Variants in GPR149 observed in about 807,000 individuals in gnomAD.
GPR149 encodes the protein probable G protein-coupled receptor 149.
In GPR149, 50 loss-of-function variants were observed where a neutral mutation model predicts 50.2. The observed-to-expected ratio is 1.00, with a 90% confidence interval of 0.79 to 1.26. GPR149 has a LOEUF of 1.26. Among genes scored for constraint, GPR149 ranks in the 50% most tolerant of loss-of-function variants. The pLI is 0.00. For missense variants in GPR149, 983 were observed against 895.4 expected, an observed-to-expected ratio of 1.10 and a Z score of -1.25; for synonymous variants, 405 against 358.2, an observed-to-expected ratio of 1.13 and a Z score of -1.48.
intron 3 of GPR149, among the ~76,000 whole-genome samples, chr3:154,350,424 TA>T (rs754355563): frequency 6.6e-6 from 1 of 152,024 alleles, no homozygotes; most frequent in Non-Finnish European, 1.5e-5. Flanking sequence ...GACATCAAAA[TA>T]AAAAATGCAG....
intron 3 of GPR149, among the ~76,000 whole-genome samples, chr3:154,406,694 C>T (rs1010921375): frequency 1.1e-4 from 16 of 151,962 alleles, no homozygotes; most frequent in African/African-American, 9.7e-5. Context: ...ATGTATCTAC[C>T]CAATTTTGCA....
At chr3:154,415,137 G>C (rs1295202888) in intron 3 of GPR149, among the ~76,000 whole-genome samples, 1 of 138,358 alleles carries the variant, frequency 7.2e-6, no homozygotes, top group Non-Finnish European at 1.6e-5. Flanking sequence ...TTGAGTTCAA[G>C]TAGAGAGTAA....
chr3:154,348,588 G>A (rs761425194), intron 3 of GPR149, among the ~76,000 whole-genome samples: 24 of 152,048 alleles, frequency 1.6e-4, no homozygotes, highest in Admixed American at 6.6e-4. Flanking sequence ...GCAAGCAACA[G>A]AACTGTTAAA....
At chr3:154,407,773 C>A (rs967957891) in intron 3 of GPR149, among the ~76,000 whole-genome samples, 2 of 150,942 alleles carry the variant, frequency 1.3e-5, no homozygotes, top group Non-Finnish European at 2.9e-5. Flanking sequence ...AAGCAAGACA[C>A]CTCAGTAGCA....
At chr3:154,424,477 G>A (rs1305753990) in intron 2 of GPR149, among the ~76,000 whole-genome samples, 1 of 151,730 alleles carries the variant, frequency 6.6e-6, no homozygotes, top group Non-Finnish European at 1.5e-5. Flanking sequence ...ATTTATAGGA[G>A]GAAGGCCTTG....
At chr3:154,383,014 C>A (rs146811673) in intron 3 of GPR149, among the ~76,000 whole-genome samples, 1 of 151,966 alleles carries the variant, frequency 6.6e-6, no homozygotes, top group East Asian at 1.9e-4. Flanking sequence ...GAATGGCTCT[C>A]GTTGAGAATG....
At position 154,428,786 on chromosome 3, in the gene GPR149, G is replaced by C. The variant is rs1479028405; in HGVS notation, c.830C>G (p.Pro277Arg). 1.2e-6 allele frequency: 2 copies of C among 1,613,728 alleles called. No individual in the cohort carries two copies. Among genetic ancestry groups the C allele is most frequent in the African/African-American group, 2.7e-5 (2 of 74,908 alleles). Residue 277 changes from proline (P) to arginine (R), a missense_variant, in exon 1 of 4, where the codon CCG becomes CGG. Coordinates refer to ENST00000389740, the MANE Select transcript of GPR149 (RefSeq NM_001038705.3). ...AGCCCCAGCGGCAGCGGGCGCACCCGGTCCGAACACGGTGTCGGAGCTCGG... is the reference window on the plus strand; with the variant it reads ...AGCCCCAGCGGCAGCGGGCGCACCCCGTCCGAACACGGTGTCGGAGCTCGG... ...CSPSSDTVFG[P>R]GAPAAAGAEA...
chr3:154,365,768 A>C (rs1376122885), intron 3 of GPR149, among the ~76,000 whole-genome samples: 2 of 152,170 alleles, frequency 1.3e-5, no homozygotes, highest in African/African-American at 4.8e-5. Flanking sequence ...CCTTTCCTCC[A>C]GTTTCCAATA....
intron 3 of GPR149, among the ~76,000 whole-genome samples, chr3:154,372,613 C>T (rs976643331): frequency 6.6e-6 from 1 of 152,106 alleles, no homozygotes; most frequent in Non-Finnish European, 1.5e-5. Context: ...AAGGGGACAC[C>T]ATTATTTTCA....
At chr3:154,427,261 C>CTT (rs137998834) in intron 2 of GPR149, among the ~76,000 whole-genome samples, 1 of 148,790 alleles carries the variant, frequency 6.7e-6, no homozygotes, top group Non-Finnish European at 1.5e-5. Flanking sequence ...CTAGTCTTCC[C>CTT]TTTTTTTTTT....
rs1248226492 is a variant in GPR149 at position 154,429,033 on chromosome 3, A to G, written c.583T>C (p.Ser195Pro). The change falls in exon 1 of 4, where the codon TCT (serine) becomes CCT (proline). Residue 195 changes from serine to proline, a missense_variant. Ser to Pro is a moderately conservative substitution (Grantham distance 74, BLOSUM62 -1). Transcript: ENST00000389740. ...DCSSSYVLFL[S>P]IVYALAFGLL... ...CCGAAGGCCAAAGCGTACACGATAG[A>G]GAGGAATAGTACGTAGGAGCTGGAG... is the stretch of plus-strand genomic sequence containing the variant. The G allele has an allele frequency of 1.2e-6, 2 of 1,613,860 alleles. No homozygotes were observed. The highest frequency in any genetic ancestry group is 2.2e-5 in the East Asian group (1 of 44,862).
chr3:154,397,856 A>T (rs561212206), intron 3 of GPR149, among the ~76,000 whole-genome samples: 1 of 152,222 alleles, frequency 6.6e-6, no homozygotes, highest in East Asian at 1.9e-4. Context: ...TTTTTATCTT[A>T]CTCATTAGTA....
In GPR149 at chr3:154,421,446, T is replaced by C; in HGVS notation, c.1216A>G (p.Ser406Gly). ...TGTGCTATTTTATAAATCCCATAAC[T>C]TTTTTGGAATGATAGATTGAATTCA... ...GFEFNLSFQK[S>G]YGIYKIAHED... is the part of the protein sequence containing the mutation. Residue 406 changes from serine to glycine, a missense_variant, in exon 3 of 4, where the codon AGT becomes GGT. Ser to Gly is a moderately conservative substitution (Grantham distance 56). Coordinates refer to ENST00000389740, the MANE Select transcript of GPR149 (RefSeq NM_001038705.3). 1 of 1,594,410 alleles carries C rather than the reference T, an allele frequency of 6.3e-7. No homozygotes were observed. The highest frequency in any genetic ancestry group is 1.7e-4 in the Middle Eastern group (1 of 5,904).
intron 3 of GPR149, among the ~76,000 whole-genome samples, chr3:154,373,510 C>T (rs1019359418): frequency 2.6e-5 from 4 of 152,132 alleles, no homozygotes; most frequent in Admixed American, 6.5e-5. Flanking sequence ...AATTAAATAG[C>T]CTGTGTTTTA....
intron 3 of GPR149, among the ~76,000 whole-genome samples, chr3:154,374,985 T>C (rs1016918883): frequency 7.9e-5 from 12 of 152,244 alleles, no homozygotes; most frequent in Non-Finnish European, 1.5e-4. Flanking sequence ...ATTAGTTATA[T>C]GGCAGCTTTT....
intron 3 of GPR149, among the ~76,000 whole-genome samples, chr3:154,385,930 T>C (rs540064122): frequency 7.4e-4 from 113 of 152,228 alleles, no homozygotes; most frequent in Middle Eastern, 3.4e-3. Flanking sequence ...CTCGATCTTC[T>C]GACCTCGTGA....
chr3:154,337,014 T>A lies in GPR149; in HGVS notation c.*685A>T, dbSNP rs1184542801. Reference sequence around the variant, plus strand: ...AATTCCACCTCTAACACACAATATATTTGTTTTATGGGACAGTCTTGACAT... The same window carrying A: ...AATTCCACCTCTAACACACAATATAATTGTTTTATGGGACAGTCTTGACAT... On this transcript the variant is annotated 3_prime_UTR_variant, in exon 4 of 4. Coordinates refer to ENST00000389740, the MANE Select transcript of GPR149 (RefSeq NM_001038705.3). The A allele has an allele frequency of 6.6e-6, 1 of 152,130 alleles. No homozygotes were observed. Among genetic ancestry groups the A allele is most frequent in the East Asian group, 1.9e-4 (1 of 5,198 alleles). The allele number at this position is 152,130 out of a possible 1,614,324, so 9.4% of individuals were successfully genotyped here. A position where few individuals can be genotyped will look rare whatever the true frequency, so the allele number is the denominator to read the frequency against.
Position 154,429,155 on chromosome 3 carries a change from A to G in GPR149, c.461T>C (p.Val154Ala), listed in dbSNP as rs1712409061. Residue 154 changes from valine to alanine, a missense_variant, in exon 1 of 4, where the codon GTG (valine) becomes GCG (alanine). Physicochemically the swap from Val to Ala is moderately conservative, Grantham distance 64. Coordinates refer to ENST00000389740, the MANE Select transcript of GPR149 (RefSeq NM_001038705.3). ...CAGACTGGCTGCCCACACGGTCAGC[A>G]CCACGCCGAGCACCTGGCCCGATCT... is the stretch of plus-strand genomic sequence containing the variant. ...SRRSGQVLGV[V>A]LTVWAASLLL... 6.2e-7 allele frequency: 1 copy of G among 1,613,634 alleles called. No individual in the cohort carries two copies. Among genetic ancestry groups the G allele is most frequent in the African/African-American group, 1.3e-5 (1 of 74,922 alleles).
chr3:154,337,915 T>C lies in GPR149; in HGVS notation c.1980A>G (p.Arg660=). The C allele has an allele frequency of 6.2e-7, 1 of 1,612,952 alleles. No individual in the cohort carries two copies. The highest frequency in any genetic ancestry group is 8.5e-7 in the Non-Finnish European group (1 of 1,179,360). Residue 660 remains arginine, a synonymous_variant, in exon 4 of 4, where the codon AGA becomes AGG. Coordinates refer to ENST00000389740, the MANE Select transcript of GPR149 (RefSeq NM_001038705.3). ...PSLRYSRKEN[R]FVSCDLGETA... ...TTTCCCCTAGGTCACATGAAACAAA[T>C]CTGTTTTCTTTCCTGGAGTAACGTA...
Sources: gnomAD v4.1 joint callset for allele counts (sites outside exome capture counted in the v4.1 genomes callset) on GRCh38, gnomAD v4.1.1 for gene constraint, MANE v1.5 for transcripts, NCBI Gene and HGNC (gene_info 2026-07-23, HGNC 2026-07-21) for gene names.